Variants in SEMA6A observed in about 807,000 individuals in gnomAD.
SEMA6A encodes the protein semaphorin 6A.
Under a neutral mutation model 96.8 loss-of-function variants are expected in SEMA6A, and 25 were observed. The observed-to-expected ratio is 0.26, with a 90% CI of 0.19 to 0.36. The LOEUF (loss-of-function observed/expected upper bound fraction) is 0.36, where lower values mean the gene tolerates loss of function less well. SEMA6A is among the 10% of genes least tolerant of loss of function. SEMA6A has a pLI of 1.00. For synonymous variants in SEMA6A, 612 were observed against 518.0 expected (o/e 1.18, Z -2.46); for missense variants, 1,363 against 1,323.1 (o/e 1.03, Z -0.47).
Position 116,497,316 on chromosome 5 carries a change from A to C in SEMA6A, c.279+11T>G. The C allele has an allele frequency of 6.5e-7, 1 of 1,546,566 alleles. No homozygotes were observed. Among genetic ancestry groups the C allele is most frequent in the Non-Finnish European group, 8.9e-7 (1 of 1,121,102 alleles). Reference sequence around the variant, plus strand: ...CCTTCATTTTACAAATATAGTTTTAAAACAACTTACTTTGCTACAATAAAT... The same window carrying C: ...CCTTCATTTTACAAATATAGTTTTACAACAACTTACTTTGCTACAATAAAT... On this transcript the variant is annotated intron_variant, in intron 4 of 18. Coordinates refer to ENST00000343348, the MANE Select transcript of SEMA6A (RefSeq NM_020796.5).
intron 18 of SEMA6A, among the ~76,000 whole-genome samples, chr5:116,448,513 TGA>T (rs1450685881): frequency 1.3e-5 from 2 of 152,104 alleles, no homozygotes; most frequent in Admixed American, 1.3e-4. Context: ...CAAGTTATCC[TGA>T]GTCTGGAGGA....
rs186292243 is a variant in SEMA6A, at chr5:116,458,883, C to T, written c.1894+8700G>A. Among the ~76,000 whole-genome samples the T allele has an allele frequency of 2.8e-4, 42 of 152,256 alleles. No homozygotes were observed. In the East Asian group the frequency reaches 5.8e-3, roughly 21 times the overall value. On this transcript the variant is annotated intron_variant, in intron 18 of 18. Coordinates refer to ENST00000343348, the MANE Select transcript of SEMA6A (RefSeq NM_020796.5). ...ATTACAGCCTGCCACTTGGGCTTCT[C>T]GGCTCTGGACCCTCTCCCCCTGCAC... is the stretch of plus-strand genomic sequence containing the variant.
chr5:116,457,835 T>A (rs1028446764), intron 18 of SEMA6A, among the ~76,000 whole-genome samples: 2 of 152,136 alleles, frequency 1.3e-5, no homozygotes, highest in Admixed American at 6.5e-5. Context: ...TTGCAAGAGT[T>A]TATCTATTAC....
chr5:116,558,524 G>A (rs12658703), intron 1 of SEMA6A, among the ~76,000 whole-genome samples: 6,424 of 52,398 alleles, frequency 0.12, 2,800 homozygotes, highest in East Asian at 0.97. Context: ...CTGCAGTGGC[G>A]CAATCTCGGC....
chr5:116,498,446 T>C (rs1331771028), intron 3 of SEMA6A: 1 of 152,138 alleles, frequency 6.6e-6, no homozygotes, highest in Non-Finnish European at 1.5e-5. Flanking sequence ...GAAATCTGTT[T>C]GCTTTTTGTT....
chr5:116,539,673 A>C (rs1365840537), intron 1 of SEMA6A, among the ~76,000 whole-genome samples: 1 of 152,040 alleles, frequency 6.6e-6, no homozygotes, highest in East Asian at 1.9e-4. Context: ...AAATATACAT[A>C]ATAACTGATG....
chr5:116,510,457 T>G (rs1758354413), intron 1 of SEMA6A, among the ~76,000 whole-genome samples: 1 of 152,146 alleles, frequency 6.6e-6, no homozygotes, highest in Non-Finnish European at 1.5e-5. Flanking sequence ...TCTGCCCCCT[T>G]ACTAGCTGGG....
intron 6 of SEMA6A, among the ~76,000 whole-genome samples, chr5:116,494,231 T>C (rs956745231): frequency 2.0e-5 from 3 of 152,268 alleles, no homozygotes. Flanking sequence ...TCAAGCTCAA[T>C]AGGCCATTTC....
intron 18 of SEMA6A, among the ~76,000 whole-genome samples, chr5:116,460,779 A>C (rs2112623652): frequency 8.4e-6 from 1 of 118,396 alleles, no homozygotes; most frequent in Admixed American, 1.0e-4. Context: ...AAAATTGTTA[A>C]TCTCTTTTTT....
intron 1 of SEMA6A, chr5:116,562,775 G>A (rs1426070057): frequency 1.4e-6 from 1 of 733,136 alleles, no homozygotes; most frequent in Non-Finnish European, 2.6e-6. Flanking sequence ...TTTGCCATAT[G>A]CTGCTATGTT....
intron 1 of SEMA6A, among the ~76,000 whole-genome samples, chr5:116,567,082 T>C (rs9327008): frequency 0.26 from 40,039 of 152,102 alleles, 5,361 homozygotes; most frequent in African/African-American, 0.31. Flanking sequence ...TAATAAGTGA[T>C]AGCTATCATT....
intron 1 of SEMA6A, among the ~76,000 whole-genome samples, chr5:116,543,959 C>G (rs969220760): frequency 2.0e-5 from 3 of 152,068 alleles, no homozygotes; most frequent in Non-Finnish European, 4.4e-5. Context: ...TTTGCAAGGT[C>G]TTTGCTTATA....
Position 116,574,447 on chromosome 5 carries a change from A to G in SEMA6A, c.-301T>C, listed in dbSNP as rs1428084472. 1.3e-5 allele frequency: 2 copies of G among 152,266 alleles called. No individual in the cohort carries two copies. The highest frequency in any genetic ancestry group is 4.8e-5 in the African/African-American group (2 of 41,406). 9.4% of individuals were successfully genotyped at this position (152,266 alleles called of 1,614,324 possible). Reference sequence around the variant, plus strand: ...AGAGGAAAAAAGAAGCCAAAAAAAAAAAGAAGAAAAAGAAAAAGAAAACCA... The same window carrying G: ...AGAGGAAAAAAGAAGCCAAAAAAAAGAAGAAGAAAAAGAAAAAGAAAACCA... On this transcript the variant is annotated 5_prime_UTR_variant, in exon 1 of 19. Transcript: ENST00000343348.
chr5:116,559,414 C>A (rs976429176), intron 1 of SEMA6A, among the ~76,000 whole-genome samples: 1 of 152,138 alleles, frequency 6.6e-6, no homozygotes, highest in Admixed American at 6.5e-5. Flanking sequence ...CAGGGTACCA[C>A]GTAGCAGTTA....
intron 6 of SEMA6A, among the ~76,000 whole-genome samples, chr5:116,493,112 G>T (rs1337886204): frequency 6.6e-6 from 1 of 152,196 alleles, no homozygotes; most frequent in South Asian, 2.1e-4. Context: ...GGTGTGGCAA[G>T]AACAAGCAAG....
chr5:116,560,510 G>C (rs1760779667), intron 1 of SEMA6A, among the ~76,000 whole-genome samples: 2 of 151,146 alleles, frequency 1.3e-5, no homozygotes, highest in Non-Finnish European at 2.9e-5. Context: ...TTTTGTCAGA[G>C]GGAAGATCCA....
chr5:116,453,701 T>G (rs749758417), intron 18 of SEMA6A, among the ~76,000 whole-genome samples: 1 of 152,168 alleles, frequency 6.6e-6, no homozygotes, highest in Non-Finnish European at 1.5e-5. Context: ...CCACATTGAA[T>G]CCATTATCGC....
intron 18 of SEMA6A, among the ~76,000 whole-genome samples, chr5:116,457,268 A>G (rs1755073486): frequency 6.6e-6 from 1 of 152,210 alleles, no homozygotes; most frequent in South Asian, 2.1e-4. Flanking sequence ...TATGAATAAC[A>G]AGAGGCTGTA....
chr5:116,534,518 G>C (rs993224944), intron 1 of SEMA6A, among the ~76,000 whole-genome samples: 1 of 152,170 alleles, frequency 6.6e-6, no homozygotes, highest in Non-Finnish European at 1.5e-5. Flanking sequence ...CACTGCTCCT[G>C]GCTGGCTTCT....
Sources: allele counts gnomAD v4.1 joint callset (sites outside exome capture counted in the v4.1 genomes callset), GRCh38; gene constraint gnomAD v4.1.1; transcripts MANE v1.5; gene names NCBI Gene and HGNC (gene_info 2026-07-23, HGNC 2026-07-21).